PTPRD: variants seen among roughly 807,000 people sequenced by gnomAD.
The protein encoded by PTPRD is protein tyrosine phosphatase receptor type D.
A neutral mutation model predicts 214.5 loss-of-function variants in PTPRD; 34 were observed. The ratio of observed to expected loss-of-function variants is 0.16; its 90% confidence interval spans 0.12 to 0.21. The LOEUF is 0.21. Among genes scored for constraint, PTPRD ranks in the 10% least tolerant of loss-of-function variants. PTPRD has a pLI of 1.00. For missense variants in PTPRD, 2,545 were observed against 2,398.7 expected (o/e 1.06, Z -1.27); for synonymous variants, 1,128 against 845.7 (o/e 1.33, Z -5.79).
chr9:8,881,804 G>A (rs2098448439), intron 11 of PTPRD, among the ~76,000 whole-genome samples: 1 of 152,178 alleles, frequency 6.6e-6, no homozygotes, highest in Non-Finnish European at 1.5e-5. Flanking sequence ...AGTTTTCTCT[G>A]TAGCAGTTTT....
At chr9:8,820,168 A>G (rs1032414088) in intron 11 of PTPRD, among the ~76,000 whole-genome samples, 22 of 152,154 alleles carry the variant, frequency 1.4e-4, no homozygotes, top group African/African-American at 5.1e-4. Context: ...CTTAAAATAT[A>G]TGCATATCTG....
At chr9:8,969,867 G>A (rs1307888955) in intron 11 of PTPRD, among the ~76,000 whole-genome samples, 3 of 151,892 alleles carry the variant, frequency 2.0e-5, no homozygotes, top group Non-Finnish European at 4.4e-5. Context: ...TTCTAAAGCA[G>A]GAGATAGATA....
chr9:9,175,914 C>A (rs562398542), intron 10 of PTPRD, among the ~76,000 whole-genome samples: 2 of 152,118 alleles, frequency 1.3e-5, no homozygotes, highest in East Asian at 1.9e-4. Flanking sequence ...AATCTGTAGG[C>A]CTGAAAAAAG....
intron 14 of PTPRD, among the ~76,000 whole-genome samples, chr9:8,534,987 G>A (rs747691994): frequency 6.6e-6 from 1 of 151,926 alleles, no homozygotes; most frequent in East Asian, 1.9e-4. Context: ...GTGCTGGACT[G>A]GGCCAGGCAC....
intron 3 of PTPRD, among the ~76,000 whole-genome samples, chr9:10,299,093 A>G (rs1011051306): frequency 2.0e-5 from 3 of 152,158 alleles, no homozygotes; most frequent in Admixed American, 1.3e-4. Flanking sequence ...AGTGTTGGTC[A>G]CTAACTTTTC....
chr9:9,167,349 T>C (rs969867857), intron 10 of PTPRD, among the ~76,000 whole-genome samples: 2 of 151,814 alleles, frequency 1.3e-5, no homozygotes, highest in Admixed American at 6.6e-5. Context: ...TGTGTGTGTG[T>C]GTGTGTGTGT....
At chr9:10,351,941 C>T (rs1317304478) in intron 2 of PTPRD, among the ~76,000 whole-genome samples, 5 of 151,760 alleles carry the variant, frequency 3.3e-5, no homozygotes, top group South Asian at 2.1e-4. Context: ...AAAAACAGAC[C>T]GAGTTTTGAG....
rs533402057 is a variant in PTPRD at position 9,459,077 on chromosome 9, G to C, written c.-236-61595C>G. Among the ~76,000 whole-genome samples the C allele has an allele frequency of 2.6e-5, 4 of 152,184 alleles. No individual in the cohort carries two copies. In the South Asian group the frequency reaches 8.3e-4, roughly 32 times the overall value. Reference sequence around the variant, plus strand: ...CGTGAAGAAGCTGGGGTGTGGAAAAGGAAACCAGAAAGTCTGCAGAGGTGG... The same window carrying C: ...CGTGAAGAAGCTGGGGTGTGGAAAACGAAACCAGAAAGTCTGCAGAGGTGG... On this transcript the variant is annotated intron_variant, in intron 8 of 45. Transcript: ENST00000381196.
Position 9,208,260 on chromosome 9 carries a change from C to T in PTPRD, c.-202-24897G>A, listed in dbSNP as rs1395742771. ...CGATCTCCTGACCTTCTGATCTGCCCGCCTCGGCCTCCCAAAGTGCTGGGA... is the reference window on the plus strand; with the variant it reads ...CGATCTCCTGACCTTCTGATCTGCCTGCCTCGGCCTCCCAAAGTGCTGGGA... On this transcript the variant is annotated intron_variant, in intron 9 of 45. Coordinates refer to ENST00000381196, the MANE Select transcript of PTPRD (RefSeq NM_002839.4). Among the ~76,000 whole-genome samples, 5 of 151,598 alleles carry T rather than the reference C, an allele frequency of 3.3e-5. No individual in the cohort carries two copies. The East Asian group carries it at 5.9e-4, about 18-fold the overall frequency.
At chr9:9,133,036 A>C (rs1184833116) in intron 10 of PTPRD, among the ~76,000 whole-genome samples, 1 of 152,206 alleles carries the variant, frequency 6.6e-6, no homozygotes, top group Non-Finnish European at 1.5e-5. Context: ...TTTCAATAGA[A>C]GATATTTTAA....
intron 7 of PTPRD, among the ~76,000 whole-genome samples, chr9:9,651,230 A>T (rs2096337779): frequency 6.6e-6 from 1 of 152,180 alleles, no homozygotes; most frequent in South Asian, 2.1e-4. Context: ...TATTTATAAC[A>T]CCAATAACAT....
At chr9:9,934,795 A>G (rs1337922841) in intron 5 of PTPRD, among the ~76,000 whole-genome samples, 2 of 152,014 alleles carry the variant, frequency 1.3e-5, no homozygotes, top group Non-Finnish European at 2.9e-5. Context: ...TTAGACCAAT[A>G]TCCTTGATGA....
chr9:9,912,315 G>T (rs2079425527), intron 5 of PTPRD, among the ~76,000 whole-genome samples: 1 of 152,106 alleles, frequency 6.6e-6, no homozygotes, highest in Non-Finnish European at 1.5e-5. Flanking sequence ...ACAAACTACA[G>T]CATACAAACT....
chr9:9,417,584 A>T (rs2077367642), intron 8 of PTPRD, among the ~76,000 whole-genome samples: 1 of 152,140 alleles, frequency 6.6e-6, no homozygotes, highest in Non-Finnish European at 1.5e-5. Context: ...GGTCTTAAAA[A>T]AATTGAAAGA....
At chr9:9,088,703 G>C (rs2099771267) in intron 10 of PTPRD, among the ~76,000 whole-genome samples, 2 of 147,372 alleles carry the variant, frequency 1.4e-5, no homozygotes, top group African/African-American at 5.0e-5. Context: ...TATTCAAATA[G>C]AGCCTTGCCT....
chr9:10,475,300 G>T (rs538622511), intron 2 of PTPRD, among the ~76,000 whole-genome samples: 31 of 151,880 alleles, frequency 2.0e-4, no homozygotes, highest in Admixed American at 8.5e-4. Context: ...ATGATAAAGG[G>T]GATATCACCA....
At chr9:10,511,954 G>GTATATATATATACGTGTGTGTA (rs1566640723) in intron 2 of PTPRD, among the ~76,000 whole-genome samples, 10 of 64,904 alleles carry the variant, frequency 1.5e-4, no homozygotes, top group Non-Finnish European at 2.3e-4. Context: ...ATACGTGTGT[G>GTATATATATATACGTGTGTGTA]TATATATATA....
At chr9:10,231,050 C>G (rs915781138) in intron 3 of PTPRD, among the ~76,000 whole-genome samples, 2 of 151,758 alleles carry the variant, frequency 1.3e-5, no homozygotes, top group Non-Finnish European at 2.9e-5. Flanking sequence ...CTGGACTGGT[C>G]AAAAGGAAGA....
intron 9 of PTPRD, among the ~76,000 whole-genome samples, chr9:9,183,854 C>T (rs765280058): frequency 5.3e-5 from 8 of 151,828 alleles, no homozygotes; most frequent in South Asian, 2.1e-4. Flanking sequence ...CGTTCTGGGA[C>T]GAATTAGCAT....
Sources: allele counts gnomAD v4.1 joint callset (sites outside exome capture counted in the v4.1 genomes callset), GRCh38; gene constraint gnomAD v4.1.1; transcripts MANE v1.5; gene names NCBI Gene and HGNC (gene_info 2026-07-23, HGNC 2026-07-21).